MIS18BP1: variants seen among roughly 807,000 people sequenced by gnomAD.
MIS18BP1 encodes the protein mis18-binding protein 1.
MIS18BP1 carries 72 observed loss-of-function variants against 116.1 expected under a neutral mutation model. The ratio of observed to expected loss-of-function variants is 0.62; its 90% CI spans 0.51 to 0.75. The LOEUF is 0.75. Ranked by LOEUF, MIS18BP1 falls within the 30% of genes least tolerant of loss-of-function variation. The pLI is 0.00. For synonymous variants in MIS18BP1, 386 were observed against 427.0 expected, an observed-to-expected ratio of 0.90 and a Z score of 1.18; for missense variants, 1,363 against 1,303.2, an observed-to-expected ratio of 1.05 and a Z score of -0.71.
intron 5 of MIS18BP1, among the ~76,000 whole-genome samples, chr14:45,237,256 T>A (rs551471062): frequency 6.6e-6 from 1 of 152,300 alleles, no homozygotes; most frequent in East Asian, 1.9e-4. Flanking sequence ...TTAAGTAATT[T>A]TGATTCCTTT....
intron 13 of MIS18BP1, among the ~76,000 whole-genome samples, chr14:45,216,261 TTTC>T (rs1443273710): frequency 6.6e-6 from 1 of 152,222 alleles, no homozygotes; most frequent in East Asian, 1.9e-4. Context: ...GCCATAATGC[TTTC>T]TTACTAAAAG....
chr14:45,223,896 G>A (rs773188696), intron 11 of MIS18BP1, 22 bp downstream of exon 11: 14 of 1,497,518 alleles, frequency 9.3e-6, no homozygotes, highest in Middle Eastern at 3.5e-4. Context: ...TAGATATTTC[G>A]GAATGAAATC....
At chr14:45,241,897 T>C in intron 4 of MIS18BP1, 137 bp downstream of exon 4, 2 of 928,344 alleles carry the variant, frequency 2.2e-6, no homozygotes, top group Non-Finnish European at 3.2e-6. Context: ...AACATGATAA[T>C]GAAGACACTG....
chr14:45,237,865 C>A, intron 4 of MIS18BP1, 144 bp from the exon 5 acceptor site: 2 of 1,196,942 alleles, frequency 1.7e-6, no homozygotes, highest in African/African-American at 1.6e-5. Context: ...ACATTCTATT[C>A]TAAATAGCAA....
chr14:45,210,490 A>C lies in MIS18BP1; in HGVS notation c.3042T>G (p.Ile1014Met). The C allele has an allele frequency of 8.7e-6, 14 of 1,614,104 alleles. No individual in the cohort carries two copies. The highest frequency in any genetic ancestry group is 1.2e-5 in the Non-Finnish European group (14 of 1,179,972). Residue 1014 changes from isoleucine to methionine, a missense_variant, in exon 14 of 17, where the codon ATT becomes ATG. By Grantham distance (10) the Ile-to-Met change is conservative. Transcript: ENST00000310806. Reference protein sequence around the residue: ...SFQDSEDDDDILPNMDKNPTT... With the variant: ...SFQDSEDDDDMLPNMDKNPTT... ...TTGGATTTTTGTCCATATTTGGCAGAATATCATCATCATCTTCACTGTCCT... is the reference window on the plus strand; with the variant it reads ...TTGGATTTTTGTCCATATTTGGCAGCATATCATCATCATCTTCACTGTCCT...
chr14:45,208,000 A>G (rs1890566774), intron 14 of MIS18BP1, among the ~76,000 whole-genome samples: 1 of 152,182 alleles, frequency 6.6e-6, no homozygotes. Context: ...GTCATTCTAC[A>G]ACCTAGAAAG....
intron 11 of MIS18BP1, 29 bp downstream of exon 11, chr14:45,223,889 A>G (rs1037837864): frequency 6.8e-6 from 10 of 1,479,426 alleles, no homozygotes; most frequent in African/African-American, 4.2e-5. Context: ...TGCTCTGTAG[A>G]TATTTCGGAA....
At chr14:45,236,009 A>T in intron 5 of MIS18BP1, 65 bp from the exon 6 acceptor site, 1 of 1,403,212 alleles carries the variant, frequency 7.1e-7, no homozygotes, top group African/African-American at 1.5e-5. Context: ...ACAGAAAATA[A>T]TTTTACACTT....
intron 13 of MIS18BP1, among the ~76,000 whole-genome samples, chr14:45,215,571 C>G (rs1157143514): frequency 6.6e-6 from 1 of 151,932 alleles, no homozygotes; most frequent in African/African-American, 2.4e-5. Context: ...TGCCACCACA[C>G]CCATCTAATT....
rs1594530072 is a variant in MIS18BP1 at position 45,247,363 on chromosome 14, G to A, written c.-77C>T. ...GCAATTTTCAGATAGAACTTCAGAA[G>A]GGATCCACAGAAACCTGTAGTTCAA... On this transcript the variant is annotated 5_prime_UTR_variant, in exon 2 of 17. Coordinates refer to ENST00000310806, the MANE Select transcript of MIS18BP1 (RefSeq NM_018353.5). 2.4e-6 allele frequency: 3 copies of A among 1,239,004 alleles called. No homozygotes were observed. The highest frequency in any genetic ancestry group is 2.2e-6 in the Non-Finnish European group (2 of 905,458). The allele number at this position is 1,239,004 out of a possible 1,614,324, so 76.8% of individuals were successfully genotyped here.
chr14:45,236,978 T>C (rs964595527), intron 5 of MIS18BP1, among the ~76,000 whole-genome samples: 4 of 151,454 alleles, frequency 2.6e-5, no homozygotes, highest in Non-Finnish European at 4.4e-5. Flanking sequence ...CATTCACTTA[T>C]AAACTTACAT....
At chr14:45,234,831 G>A (rs978244409) in intron 6 of MIS18BP1, among the ~76,000 whole-genome samples, 1 of 152,180 alleles carries the variant, frequency 6.6e-6, no homozygotes, top group Non-Finnish European at 1.5e-5. Flanking sequence ...GGTGCCAGGT[G>A]GGTTCAACAA....
At position 45,206,145 on chromosome 14, in the gene MIS18BP1, G is replaced by A. The variant is rs1162798560; in HGVS notation, c.3178C>T (p.Arg1060Cys). Reference sequence around the variant, plus strand: ...TTACTTTTATGATATTTTTGCATACGAAAAACATATTTATCACAGTCATTC... The same window carrying A: ...TTACTTTTATGATATTTTTGCATACAAAAAACATATTTATCACAGTCATTC... ...NRNDCDKYVF[R>C]MQKYHKSNGG... The change falls in exon 15 of 17, where the codon CGT becomes TGT. Residue 1060 changes from arginine to cysteine, a missense_variant. Arg to Cys is a radical substitution (Grantham distance 180, BLOSUM62 -3). Transcript: ENST00000310806. 6.9e-6 allele frequency: 11 copies of A among 1,605,838 alleles called. No individual in the cohort carries two copies. Among genetic ancestry groups the A allele is most frequent in the South Asian group, 1.1e-5 (1 of 90,124 alleles).
intron 14 of MIS18BP1, chr14:45,206,547 T>A (rs1354731371): frequency 1.9e-5 from 3 of 161,286 alleles, no homozygotes; most frequent in African/African-American, 7.2e-5. Context: ...CTCCTGGGCC[T>A]CCCAAAGTGT....
intron 2 of MIS18BP1, among the ~76,000 whole-genome samples, chr14:45,244,546 C>T (rs191639447): frequency 1.3e-5 from 2 of 152,002 alleles, no homozygotes; most frequent in East Asian, 1.9e-4. Flanking sequence ...AAAATTACAA[C>T]CCAGTTAAAT....
In MIS18BP1 at chr14:45,247,086, T is replaced by C; in HGVS notation, c.201A>G (p.Thr67=). Residue 67 remains threonine (T), a synonymous_variant, in exon 2 of 17, where the codon ACA becomes ACG. Coordinates refer to ENST00000310806, the MANE Select transcript of MIS18BP1 (RefSeq NM_018353.5). ...DHKKNQFLKM[T]TFNNKNIFQS... ...GAAATATATTTTTATTGTTAAAAGTTGTCATTTTTAGGAACTGATTCTTTT... is the reference window on the plus strand; with the variant it reads ...GAAATATATTTTTATTGTTAAAAGTCGTCATTTTTAGGAACTGATTCTTTT... 6.2e-7 allele frequency: 1 copy of C among 1,612,614 alleles called. No homozygotes were observed. The highest frequency in any genetic ancestry group is 8.5e-7 in the Non-Finnish European group (1 of 1,179,718).
At chr14:45,221,342 CAGG>C (rs931223396) in intron 11 of MIS18BP1, among the ~76,000 whole-genome samples, 1 of 152,052 alleles carries the variant, frequency 6.6e-6, no homozygotes, top group Non-Finnish European at 1.5e-5. Context: ...GAGGCTGAGG[CAGG>C]AGAATGGTGT....
intron 2 of MIS18BP1, among the ~76,000 whole-genome samples, 199 bp from the exon 3 acceptor site, chr14:45,243,073 C>G (rs1411540886): frequency 6.6e-6 from 1 of 152,122 alleles, no homozygotes; most frequent in African/African-American, 2.4e-5. Context: ...ACCCCATTCT[C>G]TATACCAACA....
At chr14:45,251,859 T>C (rs537709321) in intron 1 of MIS18BP1, among the ~76,000 whole-genome samples, 2 of 152,352 alleles carry the variant, frequency 1.3e-5, no homozygotes, top group East Asian at 3.9e-4. Context: ...TTGGTAAATA[T>C]TAATTTCAAA....
Sources: allele counts gnomAD v4.1 joint callset (sites outside exome capture counted in the v4.1 genomes callset), GRCh38; gene constraint gnomAD v4.1.1; transcripts MANE v1.5; gene names NCBI Gene and HGNC (gene_info 2026-07-23, HGNC 2026-07-21).